Variants in NBPF9 observed in about 807,000 individuals in gnomAD.
The protein encoded by NBPF9 is NBPF member 9.
A neutral mutation model predicts 97.8 loss-of-function variants in NBPF9; 91 were observed. That is an observed-to-expected ratio of 0.93 (90% CI 0.79 to 1.11). The LOEUF is 1.11. Among genes scored for constraint, NBPF9 ranks in the 50% least tolerant of loss-of-function variants. The probability of loss-of-function intolerance (pLI) is 0.00; values close to 1 mark genes in which losing one functional copy is unlikely to be tolerated. For synonymous variants in NBPF9, 334 were observed against 359.5 expected (o/e 0.93, Z 0.80); for missense variants, 992 against 939.5 (o/e 1.06, Z -0.73).
In NBPF9 at chr1:149,073,767, C is replaced by T. The variant is rs782363421; in HGVS notation, c.1091+1G>A. On this transcript the variant is annotated splice_donor_variant, in intron 13 of 29. Transcript: ENST00000584027. LOFTEE classifies it high-confidence loss of function. ...TGCCTGCCCCCATGGGGTCCCCTCA[C>T]CTGAGCTCCTCAGCTTGCTTCAGCT... The T allele has an allele frequency of 1.6e-5, 26 of 1,578,746 alleles. 2 individuals are homozygous for T. Among genetic ancestry groups the T allele is most frequent in the Non-Finnish European group, 3.5e-6 (4 of 1,155,498 alleles).
At chr1:149,089,530 C>G (rs1334942539) in intron 5 of NBPF9, among the ~76,000 whole-genome samples, 1 of 152,274 alleles carries the variant, frequency 6.6e-6, no homozygotes, top group Non-Finnish European at 1.5e-5. Context: ...CTAGAAGGGA[C>G]AAGCCCCAAG....
chr1:149,080,435 G>A (rs1291189151), intron 7 of NBPF9, among the ~76,000 whole-genome samples: 2 of 151,062 alleles, frequency 1.3e-5, no homozygotes, highest in Non-Finnish European at 2.9e-5. Flanking sequence ...CAGCCCCTGA[G>A]GTCTGACTCT....
chr1:149,056,211 C>A (rs1443200834), intron 29 of NBPF9, among the ~76,000 whole-genome samples: 1 of 149,086 alleles, frequency 6.7e-6, no homozygotes, highest in Admixed American at 6.7e-5. Flanking sequence ...TGACACACAG[C>A]AAACTGTGAT....
In NBPF9 at chr1:149,070,786, C is replaced by T. The variant is rs1212558246; in HGVS notation, c.1585+148G>A. ...CTGGCAGACAAAGGCATGACATTAG[C>T]TGAGAAGGACAAAAAACTCCCTGAT... is the stretch of plus-strand genomic sequence containing the variant. On this transcript the variant is annotated intron_variant, in intron 16 of 29. Transcript: ENST00000584027. 22 of 1,445,310 alleles carry T rather than the reference C, an allele frequency of 1.5e-5. 1 individual carries two copies. The East Asian group carries it at 4.4e-4, about 29-fold the overall frequency. The allele number at this position is 1,445,310 out of a possible 1,614,324, so 89.5% of individuals were successfully genotyped here.
chr1:149,079,037 C>A lies in NBPF9; in HGVS notation c.463G>T (p.Ala155Ser), dbSNP rs1232261152. 78 of 1,515,132 alleles carry A rather than the reference C, an allele frequency of 5.1e-5. No homozygotes were observed. The Admixed American group carries it at 1.3e-3, about 26-fold the overall frequency. The allele number at this position is 1,515,132 out of a possible 1,614,324, so 93.9% of individuals were successfully genotyped here. ...CTGAGCTTTTGGACAAGGTGCTGTGCCAGTCTACACCCCTCAGCCAGCTGT... is the reference window on the plus strand; with the variant it reads ...CTGAGCTTTTGGACAAGGTGCTGTGACAGTCTACACCCCTCAGCCAGCTGT... Residue 155 changes from alanine (A) to serine (S), a missense_variant, in exon 9 of 30, where the codon GCA becomes TCA. By Grantham distance (99) the Ala-to-Ser change is moderately conservative (BLOSUM62 1). Around this residue, in one of 11 missense-constraint regions of NBPF9, gnomAD observed 109 missense variants for 133.1 expected, o/e 0.82. Coordinates refer to ENST00000584027, the Ensembl canonical transcript of NBPF9.
chr1:149,068,180 C>T (rs1383092897), intron 17 of NBPF9, among the ~76,000 whole-genome samples: 1 of 149,160 alleles, frequency 6.7e-6, no homozygotes, highest in African/African-American at 2.5e-5. Flanking sequence ...ACATGCCAAA[C>T]TCTAAAGACC....
chr1:149,068,091 C>T (rs1453824508), intron 17 of NBPF9, among the ~76,000 whole-genome samples: 1 of 147,490 alleles, frequency 6.8e-6, no homozygotes, highest in Non-Finnish European at 1.5e-5. Context: ...GATTTTGTCA[C>T]CACCAGGCCT....
rs2079542769 is a variant in NBPF9 at position 149,072,986 on chromosome 1, T to A, written c.1092-54A>T. On this transcript the variant is annotated intron_variant, in intron 13 of 29. Transcript: ENST00000584027. Reference sequence around the variant, plus strand: ...GAGTGGAAAGGGTTGAGTGATCCGCTCAAATATTGCAACAGAGATTTCTGA... The same window carrying A: ...GAGTGGAAAGGGTTGAGTGATCCGCACAAATATTGCAACAGAGATTTCTGA... 18 of 1,572,452 alleles carry A rather than the reference T, an allele frequency of 1.1e-5. 1 individual carries two copies. The highest frequency in any genetic ancestry group is 1.5e-5 in the Non-Finnish European group (17 of 1,144,040).
rs2152868385 is a variant in NBPF9, at chr1:149,060,785, G to A, written c.2304-90C>T. The A allele has an allele frequency of 1.1e-5, 4 of 364,818 alleles. 1 individual carries two copies. In the South Asian group the frequency reaches 1.2e-4, roughly 11 times the overall value. 22.6% of individuals were successfully genotyped at this position (364,818 alleles called of 1,614,324 possible). On this transcript the variant is annotated intron_variant, in intron 23 of 29. Transcript: ENST00000584027. ...GGTTTCATGGGTAGCATAGGGAAGT[G>A]GTTAAAAAACTAAAAGGATAGATCC... is the stretch of plus-strand genomic sequence containing the variant.
intron 11 of NBPF9, among the ~76,000 whole-genome samples, chr1:149,077,007 C>T (rs1439294229): frequency 6.6e-6 from 1 of 150,670 alleles, no homozygotes; most frequent in Non-Finnish European, 1.5e-5. Flanking sequence ...ATTGTGTAGG[C>T]TGGTCTTCAA....
chr1:149,070,079 G>C (rs1258834029), intron 16 of NBPF9, among the ~76,000 whole-genome samples: 2 of 133,356 alleles, frequency 1.5e-5, no homozygotes, highest in Non-Finnish European at 3.1e-5. Flanking sequence ...TCTGTGATTT[G>C]GGAGGCCAAG....
intron 4 of NBPF9, among the ~76,000 whole-genome samples, chr1:149,093,229 G>T (rs2081523697): frequency 6.6e-6 from 1 of 151,478 alleles, no homozygotes; most frequent in South Asian, 2.1e-4. Flanking sequence ...ATGCCTTAAA[G>T]AGCAGTATTG....
chr1:149,062,861 C>T lies in NBPF9; in HGVS notation c.2078+1G>A, dbSNP rs1553650478. On this transcript the variant is annotated splice_donor_variant, in intron 21 of 29. Transcript: ENST00000584027. LOFTEE classifies it high-confidence loss of function. Reference sequence around the variant, plus strand: ...AAGCATCCATAATTGCTCAAAGTTACCTGGGGCATGATGGGTCTTGGTCTT... The same window carrying T: ...AAGCATCCATAATTGCTCAAAGTTATCTGGGGCATGATGGGTCTTGGTCTT... The T allele has an allele frequency of 1.8e-5, 12 of 673,358 alleles. No individual in the cohort carries two copies. The highest frequency in any genetic ancestry group is 4.1e-4 in the Middle Eastern group (1 of 2,462). The allele number at this position is 673,358 out of a possible 1,614,324, so 41.7% of individuals were successfully genotyped here.
intron 5 of NBPF9, 45 bp downstream of exon 5, chr1:149,090,708 T>G: frequency 1.8e-6 from 1 of 548,910 alleles, no homozygotes; most frequent in Non-Finnish European, 3.2e-6. Context: ...CTGGAAAAAC[T>G]ACTGGTAGCA....
chr1:149,087,237 T>C (rs1382167456), intron 5 of NBPF9, among the ~76,000 whole-genome samples: 6 of 145,722 alleles, frequency 4.1e-5, no homozygotes, highest in African/African-American at 1.5e-4. Context: ...CAGACTGCAA[T>C]ATATATATAT....
chr1:149,076,445 C>T (rs1324059495), intron 11 of NBPF9, among the ~76,000 whole-genome samples: 1 of 150,954 alleles, frequency 6.6e-6, no homozygotes, highest in Non-Finnish European at 1.5e-5. Context: ...GTTCCGCCCA[C>T]CTCGGCCTCC....
At chr1:149,097,727 T>C (rs1263186858) in intron 4 of NBPF9, among the ~76,000 whole-genome samples, 2 of 152,054 alleles carry the variant, frequency 1.3e-5, no homozygotes, top group South Asian at 2.1e-4. Flanking sequence ...GATTTACTCG[T>C]TATGGGGTCT....
intron 5 of NBPF9, among the ~76,000 whole-genome samples, chr1:149,086,905 TG>T (rs1208081136): frequency 2.0e-5 from 3 of 152,172 alleles, no homozygotes; most frequent in Middle Eastern, 3.2e-3. Context: ...TTCCCAGGAA[TG>T]GAATGACTGT....
chr1:149,097,749 C>A (rs1334915801), intron 4 of NBPF9, among the ~76,000 whole-genome samples: 1 of 152,082 alleles, frequency 6.6e-6, no homozygotes, highest in Non-Finnish European at 1.5e-5. Flanking sequence ...TAGCCCAGAG[C>A]AGGGCATGGT....
Sources: allele counts gnomAD v4.1 joint callset (sites outside exome capture counted in the v4.1 genomes callset), GRCh38; gene constraint gnomAD v4.1.1; regional missense constraint gnomAD v4.1.1; transcripts MANE v1.5; gene names NCBI Gene and HGNC (gene_info 2026-07-23, HGNC 2026-07-21).